Variants in THSD4 observed in about 807,000 individuals in gnomAD.
The protein encoded by THSD4 is thrombospondin type 1 domain containing 4, also known as thrombospondin type-1 domain-containing protein 4.
Under a neutral mutation model 119.0 loss-of-function variants are expected in THSD4, and 69 were observed. That is an observed-to-expected ratio of 0.58 (90% CI 0.48 to 0.71). The LOEUF (loss-of-function observed/expected upper bound fraction) is 0.71, where lower values mean the gene tolerates loss of function less well. THSD4 is among the 30% of genes least tolerant of loss of function. The pLI, the probability that THSD4 is intolerant of heterozygous loss-of-function variation, is 0.00. For synonymous variants in THSD4, 524 were observed against 540.4 expected, an observed-to-expected ratio of 0.97 and a Z score of 0.42; for missense variants, 1,393 against 1,391.1, an observed-to-expected ratio of 1.00 and a Z score of -0.02.
Position 71,780,515 on chromosome 15 carries a change from T to TA in THSD4, c.*3148dup, listed in dbSNP as rs751559575. The TA allele has an allele frequency of 4.6e-5, 14 of 305,332 alleles. No individual in the cohort carries two copies. The highest frequency in any genetic ancestry group is 2.0e-4 in the Admixed American group (5 of 24,518). The allele number at this position is 305,332 out of a possible 1,614,324, so 18.9% of individuals were successfully genotyped here. A position where few individuals can be genotyped will look rare whatever the true frequency, so the allele number is the denominator to read the frequency against. Reference sequence around the variant, plus strand: ...AAAGGGATGGCCTAAGAAATACAACTAAAAAAACAAACAAAAACACCAAAA... The same window carrying TA: ...AAAGGGATGGCCTAAGAAATACAACTAAAAAAAACAAACAAAAACACCAAAA... On this transcript the variant is annotated 3_prime_UTR_variant, in exon 18 of 18. Coordinates refer to ENST00000261862, the MANE Select transcript of THSD4 (RefSeq NM_024817.3).
chr15:71,759,464 A>C (rs983193420), intron 15 of THSD4, among the ~76,000 whole-genome samples: 1 of 152,232 alleles, frequency 6.6e-6, no homozygotes, highest in African/African-American at 2.4e-5. Context: ...ATAAGATGCT[A>C]TACATAAAGA....
chr15:71,713,592 C>T (rs1193343978), intron 8 of THSD4, among the ~76,000 whole-genome samples: 2 of 152,176 alleles, frequency 1.3e-5, no homozygotes, highest in African/African-American at 4.8e-5. Context: ...TCACAATCCC[C>T]TCCCATCGCC....
intron 1 of THSD4, among the ~76,000 whole-genome samples, chr15:71,107,200 C>T (rs1020231848): frequency 6.6e-6 from 1 of 152,174 alleles, no homozygotes; most frequent in Non-Finnish European, 1.5e-5. Context: ...GAAGAAAGTT[C>T]TTATTAGCTT....
intron 7 of THSD4, among the ~76,000 whole-genome samples, chr15:71,559,920 A>T (rs2049086714): frequency 6.6e-6 from 1 of 152,146 alleles, no homozygotes; most frequent in Non-Finnish European, 1.5e-5. Context: ...ACTATTGAAT[A>T]CCTTAAGAGA....
At chr15:71,136,113 A>C (rs1043640458) in intron 1 of THSD4, among the ~76,000 whole-genome samples, 1 of 147,962 alleles carries the variant, frequency 6.8e-6, no homozygotes, top group Admixed American at 6.9e-5. Context: ...GAGCTACCCT[A>C]GACCCGCTGT....
chr15:71,538,072 A>C (rs1035948650), intron 7 of THSD4, among the ~76,000 whole-genome samples: 17 of 152,056 alleles, frequency 1.1e-4, no homozygotes, highest in African/African-American at 4.1e-4. Flanking sequence ...TTTGTCTTTT[A>C]ATTCTGTTTA....
At chr15:71,579,316 T>C (rs1197773280) in intron 7 of THSD4, among the ~76,000 whole-genome samples, 1 of 152,118 alleles carries the variant, frequency 6.6e-6, no homozygotes, top group South Asian at 2.1e-4. Flanking sequence ...AGGCCAGCTG[T>C]GTGTGAGCAT....
At chr15:71,280,612 C>A (rs12909022) in intron 6 of THSD4, among the ~76,000 whole-genome samples, 1 of 144,974 alleles carries the variant, frequency 6.9e-6, no homozygotes, top group Non-Finnish European at 1.5e-5. Context: ...CCCTCCCTCC[C>A]TCTCTCTCTC....
intron 5 of THSD4, among the ~76,000 whole-genome samples, chr15:71,253,849 A>G (rs759329814): frequency 6.6e-5 from 10 of 152,218 alleles, no homozygotes; most frequent in South Asian, 2.1e-4. Flanking sequence ...CTCTCTGTGT[A>G]TGTATACACA....
At chr15:71,392,253 A>G (rs1215451728) in intron 6 of THSD4, among the ~76,000 whole-genome samples, 1 of 152,192 alleles carries the variant, frequency 6.6e-6, no homozygotes, top group Non-Finnish European at 1.5e-5. Context: ...AAGCTTCCAA[A>G]TGCAGACATT....
chr15:71,479,582 A>G (rs934961245), intron 7 of THSD4, among the ~76,000 whole-genome samples: 54 of 152,210 alleles, frequency 3.5e-4, no homozygotes, highest in African/African-American at 1.3e-3. Flanking sequence ...TCATTAGTCG[A>G]TGGAATAAAC....
intron 8 of THSD4, among the ~76,000 whole-genome samples, chr15:71,695,502 A>ATGTGTGTGTGTGTGTGTG (rs3086738): frequency 8.3e-5 from 12 of 144,038 alleles, no homozygotes; most frequent in African/African-American, 1.3e-4. Flanking sequence ...GTGTGTGTGC[A>ATGTGTGTGTGTGTGTGTG]TGTGTGTGTG....
chr15:71,400,811 A>G (rs1187398094), intron 6 of THSD4, among the ~76,000 whole-genome samples: 2 of 151,752 alleles, frequency 1.3e-5, no homozygotes, highest in Non-Finnish European at 2.9e-5. Flanking sequence ...TTGAACAGGG[A>G]TATCGTATAT....
At chr15:71,519,122 G>C (rs1345635275) in intron 7 of THSD4, among the ~76,000 whole-genome samples, 1 of 152,166 alleles carries the variant, frequency 6.6e-6, no homozygotes, top group Non-Finnish European at 1.5e-5. Context: ...TCAGACCTGA[G>C]TGATATGAAG....
chr15:71,675,025 C>G (rs1193998449), intron 8 of THSD4, among the ~76,000 whole-genome samples: 1 of 152,026 alleles, frequency 6.6e-6, no homozygotes, highest in East Asian at 1.9e-4. Context: ...TTTTATGTAC[C>G]ATTAAGTTCA....
chr15:71,137,663 C>A (rs1214060063), intron 1 of THSD4, among the ~76,000 whole-genome samples: 1 of 152,082 alleles, frequency 6.6e-6, no homozygotes, highest in East Asian at 1.9e-4. Context: ...ATCACGGAAG[C>A]TCAAGTAACA....
In THSD4 at chr15:71,537,145, A is replaced by G. The variant is rs149292885; in HGVS notation, c.1153-123385A>G. On this transcript the variant is annotated intron_variant, in intron 7 of 17. Coordinates refer to ENST00000261862, the MANE Select transcript of THSD4 (RefSeq NM_024817.3). ...CCCTTTCCCACTATAAATGTTGTCA[A>G]TTATCTTTGAAATCATTCACTTCTT... Among the ~76,000 whole-genome samples the G allele has an allele frequency of 4.5e-3, 681 of 152,248 alleles. 3 individuals carry two copies. The highest frequency in any genetic ancestry group is 0.016 in the African/African-American group (655 of 41,546).
intron 6 of THSD4, chr15:71,341,037 C>T: frequency 1.5e-6 from 1 of 689,134 alleles, no homozygotes; most frequent in Non-Finnish European, 2.4e-6. Flanking sequence ...TCTTGCATTT[C>T]CTCTCTCTCC....
chr15:71,514,874 C>T (rs2048335220), intron 7 of THSD4, among the ~76,000 whole-genome samples: 1 of 152,160 alleles, frequency 6.6e-6, no homozygotes, highest in South Asian at 2.1e-4. Context: ...CTATTGGATA[C>T]ATAACATCCT....
Sources: allele counts gnomAD v4.1 joint callset (sites outside exome capture counted in the v4.1 genomes callset), GRCh38; gene constraint gnomAD v4.1.1; transcripts MANE v1.5; gene names NCBI Gene and HGNC (gene_info 2026-07-23, HGNC 2026-07-21).